Variants in MAML2 observed in about 807,000 individuals in gnomAD.
MAML2 encodes the protein mastermind-like protein 2.
A neutral mutation model predicts 96.1 loss-of-function variants in MAML2; 22 were observed. That is an observed-to-expected ratio of 0.23 (90% CI 0.16 to 0.33). MAML2 has a LOEUF of 0.33. MAML2 is among the 10% of genes least tolerant of loss of function. MAML2 has a pLI of 1.00. For synonymous variants in MAML2, 561 were observed against 521.3 expected (o/e 1.08, Z -1.04); for missense variants, 1,367 against 1,392.4 (o/e 0.98, Z 0.29).
At chr11:96,335,905 C>T (rs930134406) in intron 1 of MAML2, among the ~76,000 whole-genome samples, 4 of 152,122 alleles carry the variant, frequency 2.6e-5, no homozygotes, top group African/African-American at 4.8e-5. Context: ...CCCACATTTC[C>T]GTATTTTCTC....
At chr11:96,145,827 G>A (rs917566094) in intron 1 of MAML2, among the ~76,000 whole-genome samples, 2 of 152,168 alleles carry the variant, frequency 1.3e-5, no homozygotes, top group Admixed American at 6.5e-5. Flanking sequence ...GGCCAACATG[G>A]CGAAACCCCG....
intron 1 of MAML2, among the ~76,000 whole-genome samples, chr11:96,111,315 T>C (rs1227284645): frequency 1.3e-5 from 2 of 152,184 alleles, no homozygotes; most frequent in Non-Finnish European, 2.9e-5. Flanking sequence ...AGATTTTTTT[T>C]CTCTCCCATT....
At chr11:96,178,620 T>C (rs924587830) in intron 1 of MAML2, among the ~76,000 whole-genome samples, 2 of 152,066 alleles carry the variant, frequency 1.3e-5, no homozygotes, top group Admixed American at 6.6e-5. Flanking sequence ...CAACACCACA[T>C]GGAATCAGGG....
At chr11:96,054,224 A>G (rs569108465) in intron 2 of MAML2, among the ~76,000 whole-genome samples, 1 of 152,300 alleles carries the variant, frequency 6.6e-6, no homozygotes, top group Admixed American at 6.5e-5. Context: ...CCTGATTCTA[A>G]GTAGTAACTC....
rs142410280 is a variant in MAML2, at chr11:96,230,820, G to A, written c.513+110563C>T. ...GTAGAATATATTTGACACTTGTCTC[G>A]CTAATTAAAACTCTACTTCTCTACC... On this transcript the variant is annotated intron_variant, in intron 1 of 4. Coordinates refer to ENST00000524717, the MANE Select transcript of MAML2 (RefSeq NM_032427.4). Among the ~76,000 whole-genome samples the A allele has an allele frequency of 3.7e-3, 556 of 152,304 alleles. 13 individuals carry two copies. The highest frequency in any genetic ancestry group is 0.024 in the Admixed American group (370 of 15,294).
intron 1 of MAML2, among the ~76,000 whole-genome samples, chr11:96,302,000 T>C (rs550701822): frequency 6.6e-6 from 1 of 152,356 alleles, no homozygotes; most frequent in South Asian, 2.1e-4. Context: ...TAAGCACTTT[T>C]TGTGTGTGTG....
At chr11:96,042,337 G>A (rs1250452561) in intron 2 of MAML2, among the ~76,000 whole-genome samples, 1 of 151,930 alleles carries the variant, frequency 6.6e-6, no homozygotes, top group Non-Finnish European at 1.5e-5. Context: ...GGTGAGGCTG[G>A]TCTCGAGCTC....
chr11:96,286,980 C>A (rs1413587611), intron 1 of MAML2, among the ~76,000 whole-genome samples: 3 of 152,140 alleles, frequency 2.0e-5, no homozygotes, highest in East Asian at 1.9e-4. Context: ...AAAAAAGTAA[C>A]AATATATTCA....
chr11:96,242,493 G>T (rs185292719), intron 1 of MAML2, among the ~76,000 whole-genome samples: 82 of 152,304 alleles, frequency 5.4e-4, no homozygotes, highest in African/African-American at 1.9e-3. Context: ...AGAGATGGCA[G>T]TTTTCATCAT....
In MAML2 at chr11:96,342,083, G is replaced by A. The variant is rs1436367579; in HGVS notation, c.-188C>T. The A allele has an allele frequency of 5.2e-6, 3 of 581,030 alleles. No homozygotes were observed. The highest frequency in any genetic ancestry group is 5.7e-5 in the East Asian group (2 of 35,084). The allele number at this position is 581,030 out of a possible 1,614,324, so 36.0% of individuals were successfully genotyped here. A position where few individuals can be genotyped will look rare whatever the true frequency, so the allele number is the denominator to read the frequency against. On this transcript the variant is annotated 5_prime_UTR_variant, in exon 1 of 5. Transcript: ENST00000524717. ...GGAGGGGAGTTAGTAAAAAGAGGGT[G>A]GGGAGAAAGAATAGAAACCAACTGG...
At position 95,985,478 on chromosome 11, in the gene MAML2, GT is replaced by G. The variant is rs957827432; in HGVS notation, c.2455+52del. 331 of 1,077,990 alleles carry G rather than the reference GT, an allele frequency of 3.1e-4. 1 individual carries two copies. Among genetic ancestry groups the G allele is most frequent in the African/African-American group, 2.3e-3 (140 of 61,798 alleles). The allele number at this position is 1,077,990 out of a possible 1,614,324, so 66.8% of individuals were successfully genotyped here. A position where few individuals can be genotyped will look rare whatever the true frequency, so the allele number is the denominator to read the frequency against. The stretch of plus-strand genomic sequence containing the variant: ...GTTACAGGGATTATTGAAAATTGAA[GT>G]TTTTTTTTCCTTTCACAGCTATAAT... On this transcript the variant is annotated intron_variant, in intron 4 of 4. Transcript: ENST00000524717.
intron 2 of MAML2, among the ~76,000 whole-genome samples, chr11:96,085,479 T>A (rs1027696594): frequency 6.6e-6 from 1 of 152,200 alleles, no homozygotes; most frequent in Non-Finnish European, 1.5e-5. Flanking sequence ...TGACATCTGA[T>A]TAGAAAAGGC....
chr11:96,299,912 G>C (rs1315279917), intron 1 of MAML2, among the ~76,000 whole-genome samples: 2 of 152,236 alleles, frequency 1.3e-5, no homozygotes. Flanking sequence ...AAGGGATAAG[G>C]AAGTCCAGGA....
At chr11:96,297,766 A>G (rs897453719) in intron 1 of MAML2, among the ~76,000 whole-genome samples, 1 of 152,158 alleles carries the variant, frequency 6.6e-6, no homozygotes, top group African/African-American at 2.4e-5. Context: ...TATTCCCTAC[A>G]TTGTTCTTGC....
intron 2 of MAML2, among the ~76,000 whole-genome samples, chr11:96,049,201 G>T (rs577555717): frequency 1.3e-5 from 2 of 152,072 alleles, no homozygotes; most frequent in African/African-American, 4.8e-5. Context: ...CTTCAGAACT[G>T]GCATACTATG....
intron 1 of MAML2, among the ~76,000 whole-genome samples, chr11:96,145,481 G>A (rs183765841): frequency 1.3e-5 from 2 of 152,298 alleles, no homozygotes; most frequent in Admixed American, 1.3e-4. Flanking sequence ...GCTGCCTTGT[G>A]AATTTTTAGG....
intron 1 of MAML2, among the ~76,000 whole-genome samples, chr11:96,245,734 T>A (rs963355492): frequency 4.0e-5 from 6 of 148,586 alleles, no homozygotes; most frequent in African/African-American, 1.5e-4. Context: ...AGACAGAGTC[T>A]CACTCTGTTG....
At chr11:96,296,078 A>T (rs1231927767) in intron 1 of MAML2, among the ~76,000 whole-genome samples, 1 of 151,854 alleles carries the variant, frequency 6.6e-6, no homozygotes, top group East Asian at 1.9e-4. Flanking sequence ...TTCTTTTTAA[A>T]TTTTTTAGAG....
At chr11:96,321,091 T>C (rs146654973) in intron 1 of MAML2, among the ~76,000 whole-genome samples, 21 of 152,286 alleles carry the variant, frequency 1.4e-4, no homozygotes, top group Non-Finnish European at 3.1e-4. Context: ...CAGGCCAAGG[T>C]ACTTCCACAG....
Sources: gnomAD v4.1 joint callset for allele counts (sites outside exome capture counted in the v4.1 genomes callset) on GRCh38, gnomAD v4.1.1 for gene constraint, MANE v1.5 for transcripts, NCBI Gene and HGNC (gene_info 2026-07-23, HGNC 2026-07-21) for gene names.